The following LPAR1 variants were observed in gnomAD, a reference collection of about 807,000 sequenced individuals.
LPAR1 encodes lysophosphatidic acid receptor 1.
LPAR1 carries 5 observed loss-of-function variants against 23.8 expected under a neutral mutation model. The ratio of observed to expected loss-of-function variants is 0.21; its 90% CI spans 0.11 to 0.44. The LOEUF (loss-of-function observed/expected upper bound fraction) is 0.44, where lower values mean the gene tolerates loss of function less well. Ranked by LOEUF, LPAR1 falls within the 20% of genes least tolerant of loss-of-function variation. The probability of loss-of-function intolerance (pLI) is 0.99; values close to 1 mark genes in which losing one functional copy is unlikely to be tolerated. For synonymous variants in LPAR1, 160 were observed against 164.7 expected, an observed-to-expected ratio of 0.97 and a Z score of 0.22; for missense variants, 311 against 482.8, an observed-to-expected ratio of 0.64 and a Z score of 3.33.
At chr9:110,979,024 G>T (rs2096615648) in intron 2 of LPAR1, among the ~76,000 whole-genome samples, 1 of 152,002 alleles carries the variant, frequency 6.6e-6, no homozygotes, top group Admixed American at 6.6e-5. Context: ...CCATCGTGTA[G>T]GACAGTGACT....
At chr9:110,990,716 T>C (rs541667858) in intron 2 of LPAR1, among the ~76,000 whole-genome samples, 274 of 151,912 alleles carry the variant, frequency 1.8e-3, no homozygotes, top group African/African-American at 6.4e-3. Flanking sequence ...TTAATTAAAA[T>C]CAAAGTAAGC....
At chr9:111,025,844 A>C (rs2097680797) in intron 2 of LPAR1, among the ~76,000 whole-genome samples, 2 of 152,316 alleles carry the variant, frequency 1.3e-5, no homozygotes, top group South Asian at 4.1e-4. Context: ...TTTGTCAAAA[A>C]TCAGATGGTT....
At chr9:111,016,730 G>C (rs1201529552) in intron 2 of LPAR1, among the ~76,000 whole-genome samples, 1 of 152,156 alleles carries the variant, frequency 6.6e-6, no homozygotes, top group Non-Finnish European at 1.5e-5. Context: ...ATATTCATAG[G>C]AAACATCCTG....
chr9:110,953,712 A>G (rs1245838615), intron 4 of LPAR1, among the ~76,000 whole-genome samples: 2 of 152,200 alleles, frequency 1.3e-5, no homozygotes, highest in South Asian at 2.1e-4. Flanking sequence ...TTACAGCCAA[A>G]GAAATTATAT....
rs201237187 is a variant in LPAR1, at chr9:111,024,350, A to AT, written c.-182+11771dup. 1.0e-2 allele frequency among the ~76,000 whole-genome samples: 1,495 copies of AT among 150,048 alleles called. 29 individuals carry two copies. Among genetic ancestry groups the AT allele is most frequent in the African/African-American group, 0.034 (1,399 of 41,002 alleles). On this transcript the variant is annotated intron_variant, in intron 2 of 5. Coordinates refer to ENST00000683809, the MANE Select transcript of LPAR1 (RefSeq NM_001351411.2). ...AGATAATGAAAATGGCAGCTAATAC[A>AT]TTCAGTGTGCTGGGCATCATATATA...
chr9:110,921,661 G>A (rs769869513), intron 5 of LPAR1, among the ~76,000 whole-genome samples: 16 of 152,164 alleles, frequency 1.1e-4, no homozygotes, highest in African/African-American at 2.2e-4. Context: ...TACATTTTCC[G>A]GGTTGATACT....
chr9:110,991,051 C>T (rs1220473657), intron 2 of LPAR1, among the ~76,000 whole-genome samples: 1 of 152,116 alleles, frequency 6.6e-6, no homozygotes, highest in African/African-American at 2.4e-5. Flanking sequence ...CCAACTGATT[C>T]ATACCTCATA....
rs752274065 is a variant in LPAR1, at chr9:110,875,502, T to C, written c.1014A>G (p.Thr338=). 1 of 1,614,140 alleles carries C rather than the reference T, an allele frequency of 6.2e-7. No individual in the cohort carries two copies. Among genetic ancestry groups the C allele is most frequent in the East Asian group, 2.2e-5 (1 of 44,878 alleles). ...AGGAAGCCGAGCGGTCTGAGCCTTC[T>C]GTGGGGCCGGTGGGGTTCTCACTGC... ...CQRSENPTGP[T]EGSDRSASSL... The change falls in exon 6 of 6, where the codon ACA becomes ACG. Residue 338 remains threonine (T), a synonymous_variant. Transcript: ENST00000683809.
At chr9:110,924,498 TC>T (rs2093864422) in intron 5 of LPAR1, among the ~76,000 whole-genome samples, 1 of 141,700 alleles carries the variant, frequency 7.1e-6, no homozygotes, top group African/African-American at 2.4e-5. Flanking sequence ...TAAATGATTT[TC>T]TTTTTTTTCC....
chr9:110,963,671 TA>T (rs929116071), intron 4 of LPAR1, among the ~76,000 whole-genome samples: 7 of 148,864 alleles, frequency 4.7e-5, no homozygotes, highest in East Asian at 2.0e-4. Context: ...TAATAAAATT[TA>T]AAAAAAAAAG....
intron 5 of LPAR1, among the ~76,000 whole-genome samples, chr9:110,888,898 G>T (rs1230912309): frequency 6.6e-6 from 1 of 152,190 alleles, no homozygotes; most frequent in Admixed American, 6.5e-5. Flanking sequence ...TGGCAAGGAG[G>T]ACACTGATGA....
intron 1 of LPAR1, among the ~76,000 whole-genome samples, chr9:111,037,185 T>C (rs942537619): frequency 3.5e-4 from 53 of 152,302 alleles, no homozygotes; most frequent in African/African-American, 1.3e-3. Context: ...CCTGAAGGAA[T>C]AGAGGATTTC....
At chr9:111,012,856 C>T (rs988401320) in intron 2 of LPAR1, among the ~76,000 whole-genome samples, 7 of 152,070 alleles carry the variant, frequency 4.6e-5, no homozygotes, top group Admixed American at 1.3e-4. Context: ...AGGAAAATTT[C>T]GTTTAATAGT....
At chr9:110,883,427 A>C (rs960834612) in intron 5 of LPAR1, among the ~76,000 whole-genome samples, 6 of 152,192 alleles carry the variant, frequency 3.9e-5, no homozygotes, top group Non-Finnish European at 7.3e-5. Context: ...ACCACTAAAG[A>C]AACAAACAAA....
At chr9:110,933,145 G>A (rs1415793657) in intron 5 of LPAR1, among the ~76,000 whole-genome samples, 1 of 152,212 alleles carries the variant, frequency 6.6e-6, no homozygotes, top group Non-Finnish European at 1.5e-5. Flanking sequence ...CAAAGCTGCA[G>A]TAAAAGCAAA....
chr9:110,893,279 A>G (rs1175694099), intron 5 of LPAR1, among the ~76,000 whole-genome samples: 3 of 152,242 alleles, frequency 2.0e-5, no homozygotes, highest in Non-Finnish European at 1.5e-5. Flanking sequence ...GAAGAAGCAT[A>G]TAAAAATACA....
intron 5 of LPAR1, among the ~76,000 whole-genome samples, chr9:110,932,029 T>C (rs1362712597): frequency 2.0e-5 from 3 of 152,154 alleles, no homozygotes; most frequent in Admixed American, 1.3e-4. Context: ...AACTTAGCCT[T>C]AAAAAAAGTC....
At chr9:110,998,980 C>T (rs1205478184) in intron 2 of LPAR1, among the ~76,000 whole-genome samples, 1 of 152,174 alleles carries the variant, frequency 6.6e-6, no homozygotes, top group Non-Finnish European at 1.5e-5. Flanking sequence ...CTCCTATATA[C>T]TATGTTATTC....
At chr9:110,876,519 A>G (rs1163562053) in intron 5 of LPAR1, among the ~76,000 whole-genome samples, 1 of 152,232 alleles carries the variant, frequency 6.6e-6, no homozygotes, top group Non-Finnish European at 1.5e-5. Context: ...TGTACAGATG[A>G]AGGAACTGAG....
Sources: gnomAD v4.1 joint callset for allele counts (sites outside exome capture counted in the v4.1 genomes callset) on GRCh38, gnomAD v4.1.1 for gene constraint, MANE v1.5 for transcripts, NCBI Gene and HGNC (gene_info 2026-07-23, HGNC 2026-07-21) for gene names.